The following BCKDHB variants were observed in gnomAD, a reference collection of about 807,000 sequenced individuals.
The protein encoded by BCKDHB is branched chain keto acid dehydrogenase E1 subunit beta.
BCKDHB carries 41 observed loss-of-function variants against 48.5 expected under a neutral mutation model. The observed-to-expected ratio is 0.85, with a 90% CI of 0.66 to 1.10. The LOEUF is 1.10. BCKDHB is among the 50% of genes least tolerant of loss of function. The pLI is 0.00. For missense variants in BCKDHB, 496 were observed against 494.2 expected, an observed-to-expected ratio of 1.00 and a Z score of -0.03; for synonymous variants, 201 against 174.8, an observed-to-expected ratio of 1.15 and a Z score of -1.18.
At chr6:80,405,947 G>A in the BCKDHB span, among the ~76,000 whole-genome samples, 1 of 152,110 alleles carries the variant, frequency 6.6e-6, no homozygotes, top group East Asian at 1.9e-4. Flanking sequence ...ATTTACATTA[G>A]GTATTTCTCC....
At chr6:80,192,468 G>A (rs1022877740) in intron 6 of BCKDHB, among the ~76,000 whole-genome samples, 2 of 151,962 alleles carry the variant, frequency 1.3e-5, no homozygotes, top group Non-Finnish European at 2.9e-5. Context: ...ATTTACCAAA[G>A]GAATTCAAAT....
downstream of BCKDHB, among the ~76,000 whole-genome samples, chr6:80,347,036 A>G (rs1313739669): frequency 6.6e-6 from 1 of 152,086 alleles, no homozygotes; most frequent in Non-Finnish European, 1.5e-5. Context: ...TATAACTACA[A>G]TTGTATGTGT....
chr6:80,199,558 C>T (rs896128916), intron 6 of BCKDHB, among the ~76,000 whole-genome samples: 2 of 151,560 alleles, frequency 1.3e-5, no homozygotes, highest in East Asian at 1.9e-4. Context: ...GGGCAGATCA[C>T]CTGAGGTTAG....
In BCKDHB at chr6:80,158,687, A is replaced by G. The variant is rs536469841; in HGVS notation, c.344-8991A>G. Among the ~76,000 whole-genome samples the G allele has an allele frequency of 2.0e-5, 3 of 152,174 alleles. No homozygotes were observed. The South Asian group carries it at 6.2e-4, about 32-fold the overall frequency. On this transcript the variant is annotated intron_variant, in intron 3 of 9. Transcript: ENST00000320393. ...TGGGCTGAAATGACCAGGCCTTTGT[A>G]CTCTCACACTGATCAATCAGTGGAT...
intron 9 of BCKDHB, among the ~76,000 whole-genome samples, chr6:80,328,444 C>G (rs1262687601): frequency 6.6e-6 from 1 of 152,156 alleles, no homozygotes; most frequent in Non-Finnish European, 1.5e-5. Context: ...GCCCTAAACC[C>G]AAAGAAGTTG....
At chr6:80,440,569 A>T in the BCKDHB span, among the ~76,000 whole-genome samples, 1 of 150,940 alleles carries the variant, frequency 6.6e-6, no homozygotes, top group African/African-American at 2.4e-5. Context: ...CCACATGCCC[A>T]TGTTTGTTAA....
At chr6:80,408,773 GTCTA>G in the BCKDHB span, among the ~76,000 whole-genome samples, 4 of 145,440 alleles carry the variant, frequency 2.8e-5, no homozygotes, top group Non-Finnish European at 6.0e-5. Context: ...GTTGCTAGCG[GTCTA>G]TCTATTTTGT....
chr6:80,221,022 C>T (rs755295062), intron 8 of BCKDHB, among the ~76,000 whole-genome samples: 39 of 152,150 alleles, frequency 2.6e-4, no homozygotes, highest in Non-Finnish European at 5.4e-4. Flanking sequence ...TGTGAGCCAC[C>T]GCACCTGGCT....
At chr6:80,168,609 G>A (rs1397950820) in intron 4 of BCKDHB, among the ~76,000 whole-genome samples, 2 of 90,666 alleles carry the variant, frequency 2.2e-5, no homozygotes, top group Non-Finnish European at 4.0e-5. Context: ...AGGAAGAAAG[G>A]AAGGAAGGAG....
At chr6:80,184,288 A>C (rs1273417692) in intron 6 of BCKDHB, among the ~76,000 whole-genome samples, 1 of 152,146 alleles carries the variant, frequency 6.6e-6, no homozygotes, top group Admixed American at 6.5e-5. Flanking sequence ...TTCCATTTGC[A>C]TGAAATATCT....
At chr6:80,309,583 T>TTTTGTTTG (rs536383356) in intron 9 of BCKDHB, among the ~76,000 whole-genome samples, 7 of 152,220 alleles carry the variant, frequency 4.6e-5, no homozygotes, top group African/African-American at 1.7e-4. Flanking sequence ...CTGTGGTTTT[T>TTTTGTTTG]TTTGTTTGTT....
the BCKDHB span, chr6:80,443,439 A>G: frequency 5.9e-5 from 9 of 152,088 alleles, no homozygotes; most frequent in Non-Finnish European, 1.2e-4. Context: ...GCATACATCC[A>G]TTGTCCATGG....
intron 3 of BCKDHB, among the ~76,000 whole-genome samples, chr6:80,148,675 A>G (rs1771606913): frequency 6.6e-6 from 1 of 152,166 alleles, no homozygotes; most frequent in African/African-American, 2.4e-5. Flanking sequence ...TTTGCTTAAA[A>G]TCTTCTCAGT....
At chr6:80,397,421 TTTTCAAA>T in the BCKDHB span, among the ~76,000 whole-genome samples, 1 of 152,126 alleles carries the variant, frequency 6.6e-6, no homozygotes, top group Non-Finnish European at 1.5e-5. Context: ...GTGTGTGTGT[TTTTCAAA>T]TCCTTCAAAT....
the BCKDHB span, among the ~76,000 whole-genome samples, chr6:80,466,137 C>A: frequency 6.6e-6 from 1 of 152,072 alleles, no homozygotes; most frequent in Non-Finnish European, 1.5e-5. Flanking sequence ...AAGTTCCTAC[C>A]AGGTAATTTC....
At chr6:80,165,925 T>A (rs1300134666) in intron 3 of BCKDHB, among the ~76,000 whole-genome samples, 1 of 152,152 alleles carries the variant, frequency 6.6e-6, no homozygotes, top group African/African-American at 2.4e-5. Context: ...GTGCCCTTCT[T>A]TTAGGGATTT....
chr6:80,142,447 A>G (rs1771269360), intron 3 of BCKDHB, among the ~76,000 whole-genome samples: 1 of 152,070 alleles, frequency 6.6e-6, no homozygotes, highest in Non-Finnish European at 1.5e-5. Flanking sequence ...AGAACATAGA[A>G]CTATTAAGTA....
At chr6:80,295,082 C>T (rs753092490) in intron 9 of BCKDHB, among the ~76,000 whole-genome samples, 3 of 152,184 alleles carry the variant, frequency 2.0e-5, no homozygotes, top group African/African-American at 4.8e-5. Flanking sequence ...TCACCCCCAG[C>T]AGCCCAGCTG....
At chr6:80,285,133 T>C (rs561341867) in intron 9 of BCKDHB, among the ~76,000 whole-genome samples, 2 of 152,174 alleles carry the variant, frequency 1.3e-5, no homozygotes, top group Non-Finnish European at 2.9e-5. Context: ...TTATACTTTA[T>C]TTTTTAACCA....
Sources: gnomAD v4.1 joint callset for allele counts (sites outside exome capture counted in the v4.1 genomes callset) on GRCh38, gnomAD v4.1.1 for gene constraint, MANE v1.5 for transcripts, NCBI Gene and HGNC (gene_info 2026-07-23, HGNC 2026-07-21) for gene names.